Variants in FOXK2 observed in about 807,000 individuals in gnomAD.
FOXK2 encodes the protein forkhead box protein K2.
A neutral mutation model predicts 53.3 loss-of-function variants in FOXK2; 24 were observed. That is an observed-to-expected ratio of 0.45 (90% CI 0.33 to 0.63). The LOEUF (loss-of-function observed/expected upper bound fraction) is 0.63, where lower values mean the gene tolerates loss of function less well. FOXK2 is among the 30% of genes least tolerant of loss of function. FOXK2 has a pLI of 0.03. For synonymous variants in FOXK2, 505 were observed against 407.1 expected (o/e 1.24, Z -2.89); for missense variants, 952 against 910.5 (o/e 1.05, Z -0.59).
chr17:82,581,694 C>A (rs2045063024), intron 4 of FOXK2, among the ~76,000 whole-genome samples: 1 of 152,130 alleles, frequency 6.6e-6, no homozygotes, highest in Admixed American at 6.6e-5. Context: ...CCAGGATGGT[C>A]TCGATCTCCT....
chr17:82,543,131 G>T (rs749025511), intron 1 of FOXK2, among the ~76,000 whole-genome samples: 38 of 152,098 alleles, frequency 2.5e-4, no homozygotes, highest in Non-Finnish European at 5.1e-4. Flanking sequence ...CCCACGTGGG[G>T]GTTTCGTTTG....
intron 4 of FOXK2, among the ~76,000 whole-genome samples, chr17:82,573,556 TCTCTCTCA>T (rs1281570579): frequency 8.8e-4 from 103 of 116,556 alleles, no homozygotes; most frequent in South Asian, 7.4e-3. Flanking sequence ...TCTCTCTCTC[TCTCTCTCA>T]CACACACACA....
intron 2 of FOXK2, 70 bp from the exon 3 acceptor site, chr17:82,567,984 C>A: frequency 8.2e-7 from 1 of 1,222,944 alleles, no homozygotes; most frequent in Non-Finnish European, 1.1e-6. Context: ...TAATTAAAGC[C>A]AGTTGCTGAA....
chr17:82,577,086 C>G lies in FOXK2; in HGVS notation c.909+5216C>G. 4 of 465,276 alleles carry G rather than the reference C, an allele frequency of 8.6e-6. No homozygotes were observed. The South Asian group carries it at 8.8e-5, about 10-fold the overall frequency. The allele number at this position is 465,276 out of a possible 1,614,324, so 28.8% of individuals were successfully genotyped here. A position where few individuals can be genotyped will look rare whatever the true frequency, so the allele number is the denominator to read the frequency against. ...CTGAAGCAGGAGAATTGTTTGAACC[C>G]ACATGGCGGAGACTGCGGTGAGCTG... On this transcript the variant is annotated intron_variant, in intron 4 of 8. Transcript: ENST00000335255.
chr17:82,596,633 T>C lies in FOXK2; in HGVS notation c.1787-4670T>C, dbSNP rs1004831561. 6.7e-5 allele frequency among the ~76,000 whole-genome samples: 4 copies of C among 59,502 alleles called. No homozygotes were observed. In the Admixed American group the frequency reaches 9.9e-4, roughly 15 times the overall value. 39.0% of individuals were successfully genotyped at this position (59,502 alleles called of 152,430 possible). A position where few individuals can be genotyped will look rare whatever the true frequency, so the allele number is the denominator to read the frequency against. ...TAAGGAGGTGTCGCTCCTCCAACTT[T>C]GTTCTTTTTAAAAATCGCTTCAGCC... On this transcript the variant is annotated intron_variant, in intron 8 of 8. Transcript: ENST00000335255.
chr17:82,585,522 C>G (rs2045125400), intron 6 of FOXK2, among the ~76,000 whole-genome samples: 1 of 152,054 alleles, frequency 6.6e-6, no homozygotes, highest in Non-Finnish European at 1.5e-5. Context: ...TCTCCCTATG[C>G]CCAGGCTGAT....
In FOXK2 at chr17:82,587,083, G is replaced by T. The variant is rs148364834; in HGVS notation, c.1597G>T (p.Ala533Ser). ...EVKVKVEPIP[A>S]IGHATLGTAS... ...TTCAGTGAAAGTAGAGCCTATTCCC[G>T]CCATTGGCCACGCCACGCTCGGCAC... Residue 533 changes from alanine to serine, a missense_variant, in exon 8 of 9, where the codon GCC (alanine) becomes TCC (serine). Ala to Ser is a moderately conservative substitution (Grantham distance 99). Around this residue, in one of 5 missense-constraint regions of FOXK2, gnomAD observed 551 missense variants for 385.1 expected, o/e 1.43. Transcript: ENST00000335255. 17 of 1,603,104 alleles carry T rather than the reference G, an allele frequency of 1.1e-5. No homozygotes were observed. The highest frequency in any genetic ancestry group is 8.8e-5 in the South Asian group (8 of 90,910).
intron 1 of FOXK2, among the ~76,000 whole-genome samples, chr17:82,555,441 T>C (rs2044714139): frequency 6.6e-6 from 1 of 152,134 alleles, no homozygotes; most frequent in South Asian, 2.1e-4. Flanking sequence ...TTTCTAGTTT[T>C]GAAAAGGGGA....
At chr17:82,527,716 A>G (rs1194569929) in intron 1 of FOXK2, among the ~76,000 whole-genome samples, 1 of 152,242 alleles carries the variant, frequency 6.6e-6, no homozygotes, top group African/African-American at 2.4e-5. Flanking sequence ...TTTTAGCATA[A>G]TTGTTACTTT....
At chr17:82,575,310 A>C (rs1330644230) in intron 4 of FOXK2, among the ~76,000 whole-genome samples, 1 of 140,290 alleles carries the variant, frequency 7.1e-6, no homozygotes, top group Non-Finnish European at 1.6e-5. Flanking sequence ...GATCTTCAGC[A>C]AACACGCAAA....
rs187661281 is a variant in FOXK2 at position 82,556,937 on chromosome 17, A to G, written c.420-6417A>G. 3.8e-3 allele frequency among the ~76,000 whole-genome samples: 573 copies of G among 152,066 alleles called. 8 individuals carry two copies. The highest frequency in any genetic ancestry group is 0.02 in the Middle Eastern group (6 of 294). On this transcript the variant is annotated intron_variant, in intron 1 of 8. Coordinates refer to ENST00000335255, the MANE Select transcript of FOXK2 (RefSeq NM_004514.4). ...AGGCTAGTCTTGAACTCCTGACCTC[A>G]GGTGATCCACCTGCTTCGGCCTCCC...
intron 8 of FOXK2, among the ~76,000 whole-genome samples, chr17:82,598,340 C>T (rs1235680949): frequency 6.6e-6 from 1 of 152,198 alleles, no homozygotes; most frequent in East Asian, 1.9e-4. Context: ...AGGGACCCGC[C>T]TGCCTCAGCC....
At chr17:82,530,180 G>T (rs1208717453) in intron 1 of FOXK2, among the ~76,000 whole-genome samples, 1 of 152,058 alleles carries the variant, frequency 6.6e-6, no homozygotes, top group Non-Finnish European at 1.5e-5. Context: ...CTTTCATTTG[G>T]ACAGATGGAA....
intron 4 of FOXK2, among the ~76,000 whole-genome samples, chr17:82,576,023 G>A (rs1425774972): frequency 7.7e-6 from 1 of 129,058 alleles, no homozygotes; most frequent in African/African-American, 3.1e-5. Flanking sequence ...CTCGGGTGGC[G>A]GCGGCGGGTT....
chr17:82,551,315 T>A (rs1381971042), intron 1 of FOXK2, among the ~76,000 whole-genome samples: 1 of 33,428 alleles, frequency 3.0e-5, no homozygotes, highest in Non-Finnish European at 5.4e-5. Flanking sequence ...AGACTCCATC[T>A]CAAAAAAAAA....
chr17:82,582,666 C>T (rs1165442505), intron 4 of FOXK2, 75 bp from the exon 5 acceptor site: 9 of 1,259,992 alleles, frequency 7.1e-6, no homozygotes, highest in South Asian at 1.6e-5. Flanking sequence ...CTTTTTAGGG[C>T]ACTAAAACGA....
chr17:82,524,410 G>A (rs2044397259), intron 1 of FOXK2, among the ~76,000 whole-genome samples: 1 of 152,246 alleles, frequency 6.6e-6, no homozygotes, highest in Admixed American at 6.5e-5. Context: ...TTAAAATTTG[G>A]CTCATTTCAT....
At chr17:82,566,591 A>G (rs1196998739) in intron 2 of FOXK2, among the ~76,000 whole-genome samples, 4 of 152,136 alleles carry the variant, frequency 2.6e-5, no homozygotes, top group African/African-American at 7.2e-5. Context: ...TAAGTCACAT[A>G]CAGCTCACCG....
At chr17:82,534,964 C>G (rs1219486623) in intron 1 of FOXK2, among the ~76,000 whole-genome samples, 1 of 152,232 alleles carries the variant, frequency 6.6e-6, no homozygotes, top group African/African-American at 2.4e-5. Context: ...ACTGCAACCT[C>G]CACCTCCCAG....
Sources: gnomAD v4.1 joint callset for allele counts (sites outside exome capture counted in the v4.1 genomes callset) on GRCh38, gnomAD v4.1.1 for gene constraint, gnomAD v4.1.1 regional missense constraint, MANE v1.5 for transcripts, NCBI Gene and HGNC (gene_info 2026-07-23, HGNC 2026-07-21) for gene names.